Variants in GALM observed in about 807,000 individuals in gnomAD.
GALM encodes galactose mutarotase.
GALM carries 43 observed loss-of-function variants against 37.4 expected under a neutral mutation model. That is an observed-to-expected ratio of 1.15 (90% CI 0.90 to 1.48). The LOEUF is 1.48. Ranked by LOEUF, GALM falls within the 40% of genes most tolerant of loss-of-function variation. GALM has a pLI of 0.00. For missense variants in GALM, 456 were observed against 419.1 expected (o/e 1.09, Z -0.77); for synonymous variants, 199 against 170.6 (o/e 1.17, Z -1.30).
intron 4 of GALM, among the ~76,000 whole-genome samples, chr2:38,729,068 A>T (rs1031540361): frequency 5.9e-5 from 9 of 152,068 alleles, no homozygotes. Flanking sequence ...CCCCCTACTG[A>T]TACTTAAATC....
chr2:38,682,478 T>G (rs1665420587), intron 3 of GALM, among the ~76,000 whole-genome samples: 1 of 152,346 alleles, frequency 6.6e-6, no homozygotes, highest in Non-Finnish European at 1.5e-5. Flanking sequence ...TTCTGTTTTC[T>G]AGAATTTTCC....
chr2:38,670,051 C>T (rs367799362), intron 1 of GALM, among the ~76,000 whole-genome samples: 4 of 151,732 alleles, frequency 2.6e-5, no homozygotes, highest in African/African-American at 7.3e-5. Context: ...TTAGTAGAGA[C>T]GGGGTTTCAC....
chr2:38,697,653 A>G (rs1306851367), intron 4 of GALM, among the ~76,000 whole-genome samples: 1 of 152,196 alleles, frequency 6.6e-6, no homozygotes, highest in African/African-American at 2.4e-5. Context: ...TTGTGGCCAC[A>G]GTGCTCAGTA....
At chr2:38,684,408 C>T (rs1478826271) in intron 3 of GALM, among the ~76,000 whole-genome samples, 2 of 152,096 alleles carry the variant, frequency 1.3e-5, no homozygotes, top group Non-Finnish European at 2.9e-5. Context: ...TGTGGTGGCT[C>T]ATGCCTGTAA....
intron 4 of GALM, among the ~76,000 whole-genome samples, chr2:38,703,610 T>C (rs1417985996): frequency 6.6e-6 from 1 of 152,192 alleles, no homozygotes; most frequent in Non-Finnish European, 1.5e-5. Flanking sequence ...TACACCCTGA[T>C]TCAAAGACCG....
intron 6 of GALM, 138 bp from the exon 7 acceptor site, chr2:38,733,350 T>C (rs148573471): frequency 1.0e-4 from 78 of 761,834 alleles, no homozygotes; most frequent in South Asian, 9.3e-4. Flanking sequence ...TATCTCACTA[T>C]GAACCAATCA....
intron 2 of GALM, among the ~76,000 whole-genome samples, chr2:38,677,857 G>C (rs1665297632): frequency 6.6e-6 from 1 of 151,908 alleles, no homozygotes; most frequent in African/African-American, 2.4e-5. Flanking sequence ...ACCATAACAA[G>C]CCAGAGAAGA....
chr2:38,703,071 TA>T (rs1558588653), intron 4 of GALM, among the ~76,000 whole-genome samples: 2 of 6,564 alleles, frequency 3.0e-4, no homozygotes, highest in Non-Finnish European at 1.0e-3. Flanking sequence ...TATATATATA[TA>T]TATATATATA....
chr2:38,670,291 C>G (rs368512491), intron 1 of GALM, among the ~76,000 whole-genome samples: 1 of 152,192 alleles, frequency 6.6e-6, no homozygotes, highest in African/African-American at 2.4e-5. Context: ...GAAACGCCTT[C>G]CTTTTCATGT....
intron 1 of GALM, among the ~76,000 whole-genome samples, chr2:38,674,249 G>C (rs949419136): frequency 6.6e-6 from 1 of 150,998 alleles, no homozygotes; most frequent in Admixed American, 6.6e-5. Context: ...GAGTGCAATG[G>C]CATGATCTTG....
intron 4 of GALM, among the ~76,000 whole-genome samples, chr2:38,703,061 T>A (rs1167465062): frequency 5.9e-4 from 2 of 3,378 alleles, no homozygotes; most frequent in African/African-American, 1.2e-3. Flanking sequence ...ATTTTATATA[T>A]ATATATATAT....
At chr2:38,690,965 G>T (rs1337058181) in intron 4 of GALM, among the ~76,000 whole-genome samples, 1 of 152,170 alleles carries the variant, frequency 6.6e-6, no homozygotes, top group African/African-American at 2.4e-5. Flanking sequence ...TGGCTCCAGG[G>T]CTGAGTTTAA....
intron 4 of GALM, among the ~76,000 whole-genome samples, chr2:38,706,196 G>A (rs1199921993): frequency 6.6e-6 from 1 of 151,390 alleles, no homozygotes; most frequent in African/African-American, 2.4e-5. Context: ...GGAGAGACGA[G>A]GTTTCACGAT....
chr2:38,695,403 C>CTAT (rs1665782428), intron 4 of GALM, among the ~76,000 whole-genome samples: 1 of 152,238 alleles, frequency 6.6e-6, no homozygotes, highest in African/African-American at 2.4e-5. Flanking sequence ...TGGCGTTCAG[C>CTAT]TATCTGGAGC....
intron 4 of GALM, among the ~76,000 whole-genome samples, chr2:38,703,058 A>T (rs1479892101): frequency 1.2e-3 from 2 of 1,694 alleles, no homozygotes; most frequent in African/African-American, 2.3e-3. Context: ...GGGATTTTAT[A>T]TATATATATA....
chr2:38,734,051 T>C lies in GALM; in HGVS notation c.*486T>C. ...CCTGTCTCTATACAGCAGTAGATGATTGATAAGTGAGGAAACTGAGGCTTA... is the reference window on the plus strand; with the variant it reads ...CCTGTCTCTATACAGCAGTAGATGACTGATAAGTGAGGAAACTGAGGCTTA... On this transcript the variant is annotated 3_prime_UTR_variant, in exon 7 of 7. Transcript: ENST00000272252. 1 of 177,668 alleles carries C rather than the reference T, an allele frequency of 5.6e-6. No homozygotes were observed. The highest frequency in any genetic ancestry group is 5.5e-5 in the Admixed American group (1 of 18,264). The allele number at this position is 177,668 out of a possible 1,614,324, so 11.0% of individuals were successfully genotyped here. A position where few individuals can be genotyped will look rare whatever the true frequency, so the allele number is the denominator to read the frequency against.
chr2:38,717,176 G>A (rs890131449), intron 4 of GALM, among the ~76,000 whole-genome samples: 7 of 152,002 alleles, frequency 4.6e-5, no homozygotes, highest in Non-Finnish European at 1.5e-5. Context: ...TTTGAACCTG[G>A]GAGGCCGAGG....
chr2:38,714,549 TCTCAAGC>T, intron 4 of GALM, among the ~76,000 whole-genome samples: 2 of 152,062 alleles, frequency 1.3e-5, no homozygotes. Context: ...CCCACTTGGC[TCTCAAGC>T]AGAGCCAAGT....
intron 4 of GALM, among the ~76,000 whole-genome samples, chr2:38,719,973 G>A (rs888932034): frequency 2.0e-5 from 3 of 151,826 alleles, no homozygotes; most frequent in Admixed American, 6.6e-5. Context: ...GAGGCTGACC[G>A]GGTGGATTGC....
Sources: allele counts gnomAD v4.1 joint callset (sites outside exome capture counted in the v4.1 genomes callset), GRCh38; gene constraint gnomAD v4.1.1; transcripts MANE v1.5; gene names NCBI Gene and HGNC (gene_info 2026-07-23, HGNC 2026-07-21).